Variants in CALU observed in about 807,000 individuals in gnomAD.
CALU encodes the protein IEF SSP 9302.
CALU carries 13 observed loss-of-function variants against 37.5 expected under a neutral mutation model. That is an observed-to-expected ratio of 0.35 (90% CI 0.23 to 0.55). CALU has a LOEUF of 0.55. Among genes scored for constraint, CALU ranks in the 20% least tolerant of loss-of-function variants. CALU has a pLI of 0.89. For missense variants in CALU, 282 were observed against 391.7 expected (o/e 0.72, Z 2.36); for synonymous variants, 114 against 133.8 (o/e 0.85, Z 1.02).
At chr7:128,759,761 T>A in intron 4 of CALU, 31 bp from the exon 5 acceptor site, 1 of 1,057,864 alleles carries the variant, frequency 9.5e-7, no homozygotes, top group Non-Finnish European at 1.5e-6. Context: ...GAGACCAACT[T>A]AATAGTCTCT....
chr7:128,767,848 T>C (rs1363204835), intron 6 of CALU, among the ~76,000 whole-genome samples, 193 bp downstream of exon 6: 1 of 152,232 alleles, frequency 6.6e-6, no homozygotes, highest in Non-Finnish European at 1.5e-5. Flanking sequence ...GAAATCCTTT[T>C]GCCCAGTGCT....
chr7:128,756,397 G>A (rs1800884874), intron 3 of CALU, among the ~76,000 whole-genome samples: 1 of 152,216 alleles, frequency 6.6e-6, no homozygotes, highest in Non-Finnish European at 1.5e-5. Context: ...TGCATAAGCT[G>A]AAGCACTGGC....
chr7:128,750,318 G>T (rs1431556833), intron 2 of CALU, among the ~76,000 whole-genome samples: 3 of 151,912 alleles, frequency 2.0e-5, no homozygotes, highest in Non-Finnish European at 4.4e-5. Context: ...CCACATTTTG[G>T]TCTGCACATA....
rs115904647 is a variant in CALU at position 128,741,581 on chromosome 7, G to A, written c.-12+2149G>A. ...CCCTTTTTGTCCAAAAAGAGAAAAA[G>A]ATAACAGATCACTTCCAGCTAGAGT... On this transcript the variant is annotated intron_variant, in intron 1 of 6. Transcript: ENST00000249364. 9.6e-3 allele frequency among the ~76,000 whole-genome samples: 1,469 copies of A among 152,244 alleles called. 37 individuals carry two copies. Among genetic ancestry groups the A allele is most frequent in the African/African-American group, 0.034 (1,396 of 41,538 alleles).
At chr7:128,753,032 A>G (rs116963300) in intron 2 of CALU, among the ~76,000 whole-genome samples, 1,752 of 152,350 alleles carry the variant, frequency 0.011, 21 homozygotes, top group Non-Finnish European at 0.018. Context: ...TTAACATTTT[A>G]GAGCAAGATT....
chr7:128,772,976 C>T lies in CALU; in HGVS notation c.*3809C>T, dbSNP rs1261066788. Among the ~76,000 whole-genome samples, 1 of 152,188 alleles carries T rather than the reference C, an allele frequency of 6.6e-6. No individual in the cohort carries two copies. ...AGGTGCTCCCAGCTGGAAAGGACTG[C>T]CAATTCTCTTCTATCCAGGGAGGTT... On this transcript the variant is annotated 3_prime_UTR_variant, in exon 7 of 7. Transcript: ENST00000249364.
intron 5 of CALU, among the ~76,000 whole-genome samples, chr7:128,760,500 T>TC (rs1801067644): frequency 6.6e-6 from 1 of 152,142 alleles, no homozygotes; most frequent in African/African-American, 2.4e-5. Context: ...GGGTTTTTTT[T>TC]TAATACTTAA....
At chr7:128,752,852 T>TTTTTGTGTTTTTA (rs1800730667) in intron 2 of CALU, among the ~76,000 whole-genome samples, 1 of 152,084 alleles carries the variant, frequency 6.6e-6, no homozygotes, top group South Asian at 2.1e-4. Flanking sequence ...GCCCGGCTAA[T>TTTTTGTGTTTTTA]TTTTGTGTTT....
intron 6 of CALU, among the ~76,000 whole-genome samples, chr7:128,768,859 A>AAAAAAAAAAAAAAC (rs1562883618): frequency 6.7e-6 from 1 of 150,194 alleles, no homozygotes; most frequent in Non-Finnish European, 1.5e-5. Context: ...AAAAAAAAAA[A>AAAAAAAAAAAAAAC]AAAAAAAAAC....
In CALU at chr7:128,773,029, G is replaced by T. The variant is rs902336163; in HGVS notation, c.*3862G>T. ...AAATTAGTTTTGAGTCTACCTCTGG[G>T]ATTGAGGAAACAATACCATCTGAAA... On this transcript the variant is annotated 3_prime_UTR_variant, in exon 7 of 7. Transcript: ENST00000249364. Among the ~76,000 whole-genome samples the T allele has an allele frequency of 2.0e-5, 3 of 152,226 alleles. No individual in the cohort carries two copies. Among genetic ancestry groups the T allele is most frequent in the African/African-American group, 7.2e-5 (3 of 41,454 alleles).
rs1800784238 is a variant in CALU at position 128,754,304 on chromosome 7, C to T, written c.264C>T (p.Val88=). Reference sequence around the variant, plus strand: ...TAGATGGCGACAAGGACGGGTTTGTCACTGTGGATGAGCTCAAAGACTGGA... The same window carrying T: ...TAGATGGCGACAAGGACGGGTTTGTTACTGTGGATGAGCTCAAAGACTGGA... ...SKIDGDKDGF[V]TVDELKDWIK... The change falls in exon 3 of 7, where the codon GTC becomes GTT. Residue 88 remains valine, a synonymous_variant. Coordinates refer to ENST00000249364, the MANE Select transcript of CALU (RefSeq NM_001219.5). 1.2e-6 allele frequency: 2 copies of T among 1,612,450 alleles called. No homozygotes were observed. Among genetic ancestry groups the T allele is most frequent in the African/African-American group, 1.3e-5 (1 of 74,832 alleles).
rs567056336 is a variant in CALU at position 128,772,072 on chromosome 7, TTTG to T, written c.*2908_*2910del. Among the ~76,000 whole-genome samples, 8,657 of 87,382 alleles carry T rather than the reference TTTG, an allele frequency of 0.099. 280 individuals carry two copies. The highest frequency in any genetic ancestry group is 0.17 in the South Asian group (574 of 3,404). 57.3% of individuals were successfully genotyped at this position (87,382 alleles called of 152,430 possible). A position where few individuals can be genotyped will look rare whatever the true frequency, so the allele number is the denominator to read the frequency against. On this transcript the variant is annotated 3_prime_UTR_variant, in exon 7 of 7. Transcript: ENST00000249364. Reference sequence around the variant, plus strand: ...CCACTGAGTTTTTTTTGTTTTTTTTTTTGTTTTGTTTTGTTTTTTCTTTATGTC... The same window carrying T: ...CCACTGAGTTTTTTTTGTTTTTTTTTTTTTGTTTTGTTTTTTCTTTATGTC...
At chr7:128,751,018 A>G (rs556346672) in intron 2 of CALU, among the ~76,000 whole-genome samples, 16 of 152,282 alleles carry the variant, frequency 1.1e-4, no homozygotes, top group African/African-American at 3.8e-4. Context: ...GGCTGGGCGC[A>G]ATGGCTCATG....
chr7:128,754,083 C>T (rs566009118), intron 2 of CALU, among the ~76,000 whole-genome samples, 179 bp from the exon 3 acceptor site: 2 of 152,312 alleles, frequency 1.3e-5, no homozygotes, highest in East Asian at 3.9e-4. Flanking sequence ...CTGTGTTGAC[C>T]TTATTCACGT....
chr7:128,742,164 C>A (rs1011045356), intron 1 of CALU, among the ~76,000 whole-genome samples: 4 of 152,100 alleles, frequency 2.6e-5, no homozygotes, highest in African/African-American at 7.2e-5. Flanking sequence ...ATGTGATAGT[C>A]CATTGGTATA....
chr7:128,761,584 C>G (rs563830516), intron 5 of CALU: 6 of 152,224 alleles, frequency 3.9e-5, no homozygotes, highest in African/African-American at 1.4e-4. Context: ...AGCAACATAG[C>G]GAGACTCCAT....
chr7:128,766,905 C>T (rs967488583), intron 5 of CALU, among the ~76,000 whole-genome samples: 1 of 152,088 alleles, frequency 6.6e-6, no homozygotes, highest in Admixed American at 6.6e-5. Context: ...CCTTGATGGC[C>T]AGAGGTACAT....
chr7:128,761,677 T>C (rs1801123456), intron 5 of CALU: 2 of 152,250 alleles, frequency 1.3e-5, no homozygotes, highest in Admixed American at 1.3e-4. Flanking sequence ...TTTAGAAAGA[T>C]ATTAGATATT....
In CALU at chr7:128,754,463, C is replaced by A; in HGVS notation, c.415+8C>A. ...CCTACGGCTACGTTTTAGGTAGGTC[C>A]CTACTGTCTGGGGGAAAAAGCCTTG... is the stretch of plus-strand genomic sequence containing the variant. On this transcript the variant is annotated splice_region_variant and intron_variant, in intron 3 of 6. Transcript: ENST00000249364. 1 of 1,610,602 alleles carries A rather than the reference C, an allele frequency of 6.2e-7. No individual in the cohort carries two copies. The highest frequency in any genetic ancestry group is 8.5e-7 in the Non-Finnish European group (1 of 1,178,200).
Sources: gnomAD v4.1 joint callset for allele counts (sites outside exome capture counted in the v4.1 genomes callset) on GRCh38, gnomAD v4.1.1 for gene constraint, MANE v1.5 for transcripts, NCBI Gene and HGNC (gene_info 2026-07-23, HGNC 2026-07-21) for gene names.